Variants in TEX11 observed in about 807,000 individuals in gnomAD.
The protein encoded by TEX11 is testis expressed 11, also known as testis-expressed protein 11.
Under a neutral mutation model 84.4 loss-of-function variants are expected in TEX11, and 7 were observed. That is an observed-to-expected ratio of 0.08 (90% CI 0.05 to 0.16). TEX11 has a LOEUF of 0.16. Among genes scored for constraint, TEX11 ranks in the 10% least tolerant of loss-of-function variants. TEX11 has a pLI of 1.00. For synonymous variants in TEX11, 264 were observed against 222.8 expected (o/e 1.18, Z -1.64); for missense variants, 551 against 660.5 (o/e 0.83, Z 1.82).
intron 13 of TEX11, among the ~76,000 whole-genome samples, chrX:70,714,310 G>T (rs1603233083): frequency 9.0e-6 from 1 of 111,380 alleles, no homozygotes; most frequent in Non-Finnish European, 1.9e-5. Context: ...TATTAGGTCT[G>T]CTTGGTGCAG....
chrX:70,569,478 C>T (rs1010882044), intron 25 of TEX11, among the ~76,000 whole-genome samples: 28 of 111,688 alleles, frequency 2.5e-4, no homozygotes, highest in African/African-American at 3.6e-4. Flanking sequence ...GGAGGAGAGA[C>T]GCTCTGATTT....
chrX:70,638,381 C>T (rs375514068), intron 17 of TEX11, among the ~76,000 whole-genome samples: 6 of 111,849 alleles, frequency 5.4e-5, no homozygotes, highest in African/African-American at 1.9e-4. Context: ...TAATACTTTA[C>T]CCAGTAAAGC....
At chrX:70,842,009 A>G (rs1316901160) in intron 7 of TEX11, among the ~76,000 whole-genome samples, 4 of 111,539 alleles carry the variant, frequency 3.6e-5, no homozygotes, top group African/African-American at 1.3e-4. Context: ...AACCAAAAAA[A>G]GTCCAGGACC....
intron 25 of TEX11, among the ~76,000 whole-genome samples, chrX:70,579,419 C>T (rs768671348): frequency 1.1e-3 from 116 of 107,815 alleles, no homozygotes; most frequent in Middle Eastern, 4.7e-3. Context: ...GGTGGGTGAA[C>T]CCAGGAGGCG....
chrX:70,519,398 C>A, the TEX11 span, among the ~76,000 whole-genome samples: 1 of 111,898 alleles, frequency 8.9e-6, no homozygotes, highest in Non-Finnish European at 1.9e-5. Flanking sequence ...ATATGAAATT[C>A]TGGGTTGAAA....
At chrX:70,712,230 T>G (rs1051613281) in intron 13 of TEX11, among the ~76,000 whole-genome samples, 7 of 111,715 alleles carry the variant, frequency 6.3e-5, no homozygotes, top group Admixed American at 9.5e-5. Context: ...GAGTGATGCC[T>G]CCAGTTTTGT....
At chrX:70,731,055 T>C (rs2090645080) in intron 11 of TEX11, among the ~76,000 whole-genome samples, 1 of 111,794 alleles carries the variant, frequency 8.9e-6, no homozygotes, top group Non-Finnish European at 1.9e-5. Context: ...GAATGACTAC[T>C]GGGTACATAA....
intron 16 of TEX11, among the ~76,000 whole-genome samples, chrX:70,657,234 C>T (rs759532941): frequency 3.1e-4 from 34 of 110,699 alleles, no homozygotes; most frequent in Non-Finnish European, 5.9e-4. Context: ...GGGTGTACAC[C>T]AAAAGACAGA....
intron 15 of TEX11, among the ~76,000 whole-genome samples, chrX:70,678,464 G>GTTT (rs57446987): frequency 5.7e-5 from 6 of 105,987 alleles, no homozygotes; most frequent in Non-Finnish European, 7.7e-5. Context: ...TCTTGTAAAG[G>GTTT]TTTTTTTTTC....
At chrX:70,705,059 T>A (rs1340632668) in intron 13 of TEX11, among the ~76,000 whole-genome samples, 1 of 111,922 alleles carries the variant, frequency 8.9e-6, no homozygotes. Context: ...GGGAATCCTT[T>A]CTCCATTGCT....
chrX:70,725,387 T>A (rs192876996), intron 11 of TEX11, 44 bp from the exon 12 acceptor site: 1 of 972,875 alleles, frequency 1.0e-6, no homozygotes. Flanking sequence ...AATTGTGGAA[T>A]GTAAAAGACA....
chrX:70,859,592 A>T (rs1316181755), intron 5 of TEX11, among the ~76,000 whole-genome samples: 1 of 107,501 alleles, frequency 9.3e-6, no homozygotes, highest in Admixed American at 1.0e-4. Context: ...AAAAAAAAAA[A>T]AAAAAAAAAG....
intron 13 of TEX11, among the ~76,000 whole-genome samples, chrX:70,716,474 C>G (rs991321498): frequency 1.8e-5 from 2 of 111,969 alleles, no homozygotes; most frequent in African/African-American, 6.5e-5. Context: ...TTTACCTACT[C>G]AAGCCTCGGC....
intron 2 of TEX11, among the ~76,000 whole-genome samples, chrX:70,892,682 G>A (rs1164384256): frequency 9.2e-6 from 1 of 108,827 alleles, no homozygotes; most frequent in Non-Finnish European, 1.9e-5. Context: ...GCAGTGAGAT[G>A]AGATCGACCC....
intron 25 of TEX11, among the ~76,000 whole-genome samples, chrX:70,571,273 C>A (rs760469951): frequency 8.9e-6 from 1 of 112,241 alleles, no homozygotes; most frequent in African/African-American, 3.2e-5. Context: ...CCCGCCTTGG[C>A]CTCCCAAAGT....
intron 13 of TEX11, among the ~76,000 whole-genome samples, chrX:70,720,301 T>C (rs2090546854): frequency 2.7e-5 from 3 of 110,454 alleles, no homozygotes; most frequent in South Asian, 7.7e-4. Flanking sequence ...TTCTCACTCA[T>C]AGGTGGGAAT....
intron 8 of TEX11, among the ~76,000 whole-genome samples, chrX:70,816,331 T>C (rs1004456191): frequency 8.9e-6 from 1 of 112,219 alleles, no homozygotes; most frequent in Non-Finnish European, 1.9e-5. Flanking sequence ...ATAACAGGTA[T>C]TTTTAAAATT....
chrX:70,744,320 G>T, intron 9 of TEX11, 101 bp from the exon 10 acceptor site: 1 of 283,450 alleles, frequency 3.5e-6, no homozygotes, highest in Non-Finnish European at 5.4e-6. Flanking sequence ...AGAAGACATG[G>T]TATAAGCATA....
At position 70,599,789 on chromosome X, in the gene TEX11, G is replaced by A. The variant is rs1169372856; in HGVS notation, c.2067+5612C>T. Among the ~76,000 whole-genome samples the A allele has an allele frequency of 4.7e-5, 5 of 106,212 alleles. No homozygotes were observed. The East Asian group carries it at 9.0e-4, about 19-fold the overall frequency. The allele number at this position is 106,212 out of a possible 115,157, so 92.2% of individuals were successfully genotyped here. ...GCGGTGTTTGGTTTTCTGTTCTTGC[G>A]ATAGTTTACTGAGAATGATGATTTC... On this transcript the variant is annotated intron_variant, in intron 24 of 29. Transcript: ENST00000374333.
Sources: gnomAD v4.1 joint callset for allele counts (sites outside exome capture counted in the v4.1 genomes callset) on GRCh38, gnomAD v4.1.1 for gene constraint, MANE v1.5 for transcripts, NCBI Gene and HGNC (gene_info 2026-07-23, HGNC 2026-07-21) for gene names.